Variants in FOXP4 observed in about 807,000 individuals in gnomAD.
FOXP4 encodes forkhead box P4.
Under a neutral mutation model 82.6 loss-of-function variants are expected in FOXP4, and 25 were observed. The observed-to-expected ratio is 0.30, with a 90% CI of 0.22 to 0.42. The LOEUF (loss-of-function observed/expected upper bound fraction) is 0.42. FOXP4 is among the 10% of genes least tolerant of loss of function. FOXP4 has a pLI of 1.00. For synonymous variants in FOXP4, 415 were observed against 388.2 expected (o/e 1.07, Z -0.81); for missense variants, 785 against 900.9 (o/e 0.87, Z 1.65).
intron 15 of FOXP4, 140 bp from the exon 16 acceptor site, chr6:41,597,641 G>T: frequency 9.3e-7 from 1 of 1,072,266 alleles, no homozygotes; most frequent in Non-Finnish European, 1.3e-6. Flanking sequence ...GGGCTTGGGG[G>T]TTGCCCAGAC....
At chr6:41,550,469 C>T (rs529722547) in intron 1 of FOXP4, among the ~76,000 whole-genome samples, 22 of 152,256 alleles carry the variant, frequency 1.4e-4, no homozygotes, top group African/African-American at 5.1e-4. Flanking sequence ...GTTGGGAAAA[C>T]GAAGTCCAGA....
chr6:41,576,011 C>T (rs979955779), intron 2 of FOXP4, among the ~76,000 whole-genome samples: 3 of 151,086 alleles, frequency 2.0e-5, no homozygotes, highest in Admixed American at 1.3e-4. Context: ...GGGCTCCTTC[C>T]TAATGACCAC....
Position 41,591,322 on chromosome 6 carries a change from G to A in FOXP4, c.1536G>A (p.Lys512=). Residue 512 remains lysine (K), a splice_region_variant and synonymous_variant, in exon 13 of 17, where the codon AAG becomes AAA. Coordinates refer to ENST00000307972, the MANE Select transcript of FOXP4 (RefSeq NM_001012426.2). This position sits in a 1 kb window ranked among gnomAD's most constrained non-coding sequence, Gnocchi z 4.2. ...AYFRRNTATW[K]NAVRHNLSLH... is the part of the protein sequence containing the mutation. ...TCCGCAGAAACACTGCCACCTGGAA[G>A]GTGAAGCAGGCCCCTTCCACCTTCT... 1 of 1,593,190 alleles carries A rather than the reference G, an allele frequency of 6.3e-7. No individual in the cohort carries two copies. The highest frequency in any genetic ancestry group is 8.6e-7 in the Non-Finnish European group (1 of 1,168,814).
At position 41,591,116 on chromosome 6, in the gene FOXP4, G is replaced by A; in HGVS notation, c.1435-105G>A. On this transcript the variant is annotated intron_variant, in intron 12 of 16. Transcript: ENST00000307972. This position sits in a 1 kb window ranked among gnomAD's most constrained non-coding sequence, Gnocchi z 4.2. ...TTCTGAGCAGGTCTTCTCACAAAGT[G>A]AACTCGGGGCTAGGCAGAAGGGAGA... 1.1e-6 allele frequency: 1 copy of A among 898,962 alleles called. No individual in the cohort carries two copies. Among genetic ancestry groups the A allele is most frequent in the South Asian group, 1.5e-5 (1 of 68,928 alleles). The allele number at this position is 898,962 out of a possible 1,614,324, so 55.7% of individuals were successfully genotyped here.
At position 41,565,748 on chromosome 6, in the gene FOXP4, C is replaced by A. The variant is rs951868528; in HGVS notation, c.-13C>A. ...TGTGTCTCTCTTCCTCCTCCAGGTA[C>A]CGCTAGAGCGACATGATGGTGGAAT... is the stretch of plus-strand genomic sequence containing the variant. On this transcript the variant is annotated 5_prime_UTR_variant, in exon 2 of 17. Transcript: ENST00000307972. The A allele has an allele frequency of 1.9e-6, 3 of 1,586,552 alleles. No homozygotes were observed. Among genetic ancestry groups the A allele is most frequent in the African/African-American group, 2.7e-5 (2 of 74,672 alleles).
intron 1 of FOXP4, among the ~76,000 whole-genome samples, chr6:41,555,699 C>G (rs908149266): frequency 6.6e-6 from 1 of 152,238 alleles, no homozygotes. Context: ...ACTTGGCATT[C>G]GGCTCCTCTT....
Position 41,599,218 on chromosome 6 carries a change from A to G in FOXP4, c.*282A>G. 1 of 273,398 alleles carries G rather than the reference A, an allele frequency of 3.7e-6. No homozygotes were observed. The highest frequency in any genetic ancestry group is 1.0e-4 in the South Asian group (1 of 9,968). 16.9% of individuals were successfully genotyped at this position (273,398 alleles called of 1,614,324 possible). A position where few individuals can be genotyped will look rare whatever the true frequency, so the allele number is the denominator to read the frequency against. ...CCCACATCTGAAACTGCCTCCCCCC[A>G]ACCACCAGCAGCAGCAGGGCCCTCC... On this transcript the variant is annotated 3_prime_UTR_variant, in exon 17 of 17. Coordinates refer to ENST00000307972, the MANE Select transcript of FOXP4 (RefSeq NM_001012426.2).
chr6:41,555,215 C>T (rs576157586), intron 1 of FOXP4, among the ~76,000 whole-genome samples: 1 of 152,166 alleles, frequency 6.6e-6, no homozygotes, highest in East Asian at 1.9e-4. Flanking sequence ...CGCTACTGCA[C>T]TCCAGTCTGA....
At position 41,548,826 on chromosome 6, in the gene FOXP4, T is replaced by C. The variant is rs1323667385; in HGVS notation, c.-17+1959T>C. ...CCGCTGTGGGGAAGTCTGAAGGCCT[T>C]TTTTTTTTTTTTTTTTTTTCAACTT... On this transcript the variant is annotated intron_variant, in intron 1 of 16. Coordinates refer to ENST00000307972, the MANE Select transcript of FOXP4 (RefSeq NM_001012426.2). Among the ~76,000 whole-genome samples the C allele has an allele frequency of 2.8e-3, 3 of 1,074 alleles. No individual in the cohort carries two copies. In the East Asian group the frequency reaches 0.094, roughly 34 times the overall value. The allele number at this position is 1,074 out of a possible 152,430, so 0.7% of individuals were successfully genotyped here.
intron 3 of FOXP4, among the ~76,000 whole-genome samples, chr6:41,579,024 G>C (rs1305628400): frequency 6.6e-6 from 1 of 152,114 alleles, no homozygotes; most frequent in Non-Finnish European, 1.5e-5. Flanking sequence ...AGGAGGGTGG[G>C]GTGGGTGCAG....
chr6:41,554,825 A>G (rs181717662), intron 1 of FOXP4, among the ~76,000 whole-genome samples: 225 of 151,364 alleles, frequency 1.5e-3, no homozygotes, highest in African/African-American at 5.1e-3. Context: ...GTGCCACTGC[A>G]CTCTAGCCTG....
intron 1 of FOXP4, among the ~76,000 whole-genome samples, chr6:41,548,062 C>G (rs191646375): frequency 6.6e-6 from 1 of 152,228 alleles, no homozygotes; most frequent in Non-Finnish European, 1.5e-5. Flanking sequence ...TGCGTCCCAC[C>G]CCGATCCTAG....
chr6:41,565,849 G>A lies in FOXP4; in HGVS notation c.89G>A (p.Ser30Asn), dbSNP rs1003233391. 14 of 1,613,918 alleles carry A rather than the reference G, an allele frequency of 8.7e-6. No homozygotes were observed. Among genetic ancestry groups the A allele is most frequent in the Non-Finnish European group, 1.1e-5 (13 of 1,180,040 alleles). Reference protein sequence around the residue: ...VGSLSGQADGSSGGATGTTAS... With the variant: ...VGSLSGQADGNSGGATGTTAS... ...AGCCTCTCTGGGCAAGCCGATGGCA[G>A]CAGCGGCGGGGCCACAGGGACAACT... is the stretch of plus-strand genomic sequence containing the variant. Residue 30 changes from serine (S) to asparagine (N), a missense_variant, in exon 2 of 17, where the codon AGC becomes AAC. By Grantham distance (46) the Ser-to-Asn change is conservative. Transcript: ENST00000307972.
At chr6:41,551,570 A>G (rs1764001152) in intron 1 of FOXP4, among the ~76,000 whole-genome samples, 1 of 152,116 alleles carries the variant, frequency 6.6e-6, no homozygotes, top group Non-Finnish European at 1.5e-5. Context: ...GATAGAGGTA[A>G]ATGGTGTTTC....
At chr6:41,564,842 C>T (rs138144636) in intron 1 of FOXP4, among the ~76,000 whole-genome samples, 224 of 152,302 alleles carry the variant, frequency 1.5e-3, no homozygotes, top group African/African-American at 5.0e-3. Flanking sequence ...ACCTCCATGA[C>T]GAAGCCCAGT....
At chr6:41,588,273 G>A (rs964840854) in intron 8 of FOXP4, among the ~76,000 whole-genome samples, 1 of 152,186 alleles carries the variant, frequency 6.6e-6, no homozygotes, top group Non-Finnish European at 1.5e-5. Context: ...TGGACGGGCG[G>A]CTGGCAGCAG....
rs899026930 is a variant in FOXP4 at position 41,572,199 on chromosome 6, G to A, written c.205-5787G>A. Among the ~76,000 whole-genome samples the A allele has an allele frequency of 1.7e-4, 26 of 152,248 alleles. No homozygotes were observed. In the East Asian group the frequency reaches 5.0e-3, roughly 29 times the overall value. ...TGCACCCAGCTTTTCCCACGGCAGG[G>A]CCTCGCACCATGTGTTCCCTCCACC... is the stretch of plus-strand genomic sequence containing the variant. On this transcript the variant is annotated intron_variant, in intron 2 of 16. Coordinates refer to ENST00000307972, the MANE Select transcript of FOXP4 (RefSeq NM_001012426.2).
intron 2 of FOXP4, chr6:41,570,107 C>G (rs1765110902): frequency 5.8e-6 from 2 of 346,440 alleles, no homozygotes; most frequent in Non-Finnish European, 1.1e-5. Context: ...CACACACACA[C>G]ACACACACAC....
intron 8 of FOXP4, among the ~76,000 whole-genome samples, chr6:41,588,189 C>T (rs942827478): frequency 3.9e-5 from 6 of 152,234 alleles, no homozygotes; most frequent in Non-Finnish European, 8.8e-5. Flanking sequence ...CCCTCCCCTG[C>T]TCCCCTCCAG....
Sources: gnomAD v4.1 joint callset for allele counts (sites outside exome capture counted in the v4.1 genomes callset) on GRCh38, gnomAD v4.1.1 for gene constraint, Gnocchi (gnomAD v3.1) non-coding constraint, MANE v1.5 for transcripts, NCBI Gene and HGNC (gene_info 2026-07-23, HGNC 2026-07-21) for gene names.